The following PTPRN2 variants were observed in gnomAD, a reference collection of about 807,000 sequenced individuals.
PTPRN2 encodes the protein receptor-type tyrosine-protein phosphatase N2.
Under a neutral mutation model 118.8 loss-of-function variants are expected in PTPRN2, and 74 were observed. That is an observed-to-expected ratio of 0.62 (90% confidence interval 0.52 to 0.76). The LOEUF is 0.76. Among genes scored for constraint, PTPRN2 ranks in the 30% least tolerant of loss-of-function variants. The probability of loss-of-function intolerance (pLI) is 0.00; values close to 1 mark genes in which losing one functional copy is unlikely to be tolerated. For synonymous variants in PTPRN2, 641 were observed against 608.0 expected (o/e 1.05, Z -0.80); for missense variants, 1,481 against 1,394.4 (o/e 1.06, Z -0.99).
At chr7:158,460,641 G>C (rs1818917449) in intron 2 of PTPRN2, among the ~76,000 whole-genome samples, 1 of 152,220 alleles carries the variant, frequency 6.6e-6, no homozygotes, top group Non-Finnish European at 1.5e-5. Flanking sequence ...TCATCCAGCT[G>C]TCCGGAAATG....
At chr7:157,546,880 G>A (rs894936016) in intron 22 of PTPRN2, among the ~76,000 whole-genome samples, 1 of 152,242 alleles carries the variant, frequency 6.6e-6, no homozygotes, top group African/African-American at 2.4e-5. Context: ...GGCTTGTTCT[G>A]GCGAACAGGA....
At chr7:158,173,358 G>A (rs1467251254) in intron 5 of PTPRN2, among the ~76,000 whole-genome samples, 1 of 152,170 alleles carries the variant, frequency 6.6e-6, no homozygotes, top group Non-Finnish European at 1.5e-5. Flanking sequence ...GGCCTTCAGG[G>A]GTAACATCAC....
intron 3 of PTPRN2, among the ~76,000 whole-genome samples, chr7:158,305,689 T>G (rs1274077317): frequency 6.6e-6 from 1 of 151,054 alleles, no homozygotes; most frequent in Non-Finnish European, 1.5e-5. Context: ...AAACATTCCC[T>G]CCTTCATAAA....
chr7:158,521,346 A>C (rs540153747), intron 1 of PTPRN2, among the ~76,000 whole-genome samples: 3 of 152,234 alleles, frequency 2.0e-5, no homozygotes, highest in African/African-American at 7.2e-5. Flanking sequence ...TTGCTGAGTT[A>C]GAGACAGTAC....
intron 1 of PTPRN2, among the ~76,000 whole-genome samples, chr7:158,561,042 G>A (rs980606421): frequency 6.6e-6 from 1 of 152,198 alleles, no homozygotes; most frequent in Admixed American, 6.5e-5. Flanking sequence ...TGGCAAGAAG[G>A]GCAGGGCCTG....
intron 11 of PTPRN2, among the ~76,000 whole-genome samples, chr7:157,945,616 C>T (rs1475488151): frequency 4.6e-5 from 7 of 151,976 alleles, no homozygotes; most frequent in Admixed American, 6.6e-5. Context: ...CAGACAATGG[C>T]GCCTCCAGCT....
intron 3 of PTPRN2, among the ~76,000 whole-genome samples, chr7:158,227,927 C>T (rs1828914676): frequency 6.6e-6 from 1 of 151,192 alleles, no homozygotes; most frequent in African/African-American, 2.4e-5. Context: ...GCACAGACTC[C>T]TTGACATGGT....
At chr7:158,333,489 G>A (rs1804919009) in intron 2 of PTPRN2, among the ~76,000 whole-genome samples, 1 of 146,654 alleles carries the variant, frequency 6.8e-6, no homozygotes, top group South Asian at 2.1e-4. Context: ...GGTGACACCT[G>A]GAGACGTCAC....
At chr7:157,649,679 C>CGGACCCATCCAGCGTGCACTGAACTT (rs1563301976) in intron 14 of PTPRN2, among the ~76,000 whole-genome samples, 13 of 130,372 alleles carry the variant, frequency 1.0e-4, no homozygotes, top group African/African-American at 3.3e-4. Flanking sequence ...GCACTGAACT[C>CGGACCCATCCAGCGTGCACTGAACTT]GGTGGGTCGG....
intron 11 of PTPRN2, among the ~76,000 whole-genome samples, chr7:158,074,701 T>G (rs1812212150): frequency 6.6e-6 from 1 of 151,860 alleles, no homozygotes; most frequent in African/African-American, 2.4e-5. Flanking sequence ...AACGTGAAAG[T>G]GAGGATGAAA....
intron 11 of PTPRN2, among the ~76,000 whole-genome samples, chr7:158,053,097 G>C (rs1460066859): frequency 6.6e-6 from 1 of 152,170 alleles, no homozygotes; most frequent in Non-Finnish European, 1.5e-5. Context: ...TCCTGGGAGG[G>C]GATTTTTTTT....
rs1800485639 is a variant in PTPRN2 at position 157,583,144 on chromosome 7, A to G, written c.2497-5004T>C. On this transcript the variant is annotated intron_variant, in intron 17 of 22. Coordinates refer to ENST00000389418, the MANE Select transcript of PTPRN2 (RefSeq NM_002847.5). This position sits in a 1 kb window ranked among gnomAD's most constrained non-coding sequence, Gnocchi z 5.5. The stretch of plus-strand genomic sequence containing the variant: ...CAATGAAATATTATTCAGCCTTAAG[A>G]AAGAATGAACTCCTGTCATTTTTGA... Among the ~76,000 whole-genome samples, 1 of 152,182 alleles carries G rather than the reference A, an allele frequency of 6.6e-6. No homozygotes were observed. The highest frequency in any genetic ancestry group is 6.5e-5 in the Admixed American group (1 of 15,284).
At chr7:158,401,667 A>G (rs534540647) in intron 2 of PTPRN2, among the ~76,000 whole-genome samples, 14 of 152,272 alleles carry the variant, frequency 9.2e-5, no homozygotes, top group Non-Finnish European at 1.9e-4. Context: ...TTAGGAAGAA[A>G]TGTCTTTAGT....
At chr7:158,221,225 C>G (rs982194971) in intron 3 of PTPRN2, among the ~76,000 whole-genome samples, 3 of 151,808 alleles carry the variant, frequency 2.0e-5, no homozygotes, top group African/African-American at 7.3e-5. Flanking sequence ...TTTAAGATGG[C>G]TTAAAGATTT....
chr7:157,593,137 G>T (rs1467909366), intron 17 of PTPRN2, among the ~76,000 whole-genome samples: 1 of 149,700 alleles, frequency 6.7e-6, no homozygotes, highest in African/African-American at 2.5e-5. Flanking sequence ...TGAACTGAGA[G>T]TGGATGTGGG....
At chr7:158,325,061 CCA>C (rs1022258536) in intron 2 of PTPRN2, among the ~76,000 whole-genome samples, 2 of 152,234 alleles carry the variant, frequency 1.3e-5, no homozygotes, top group African/African-American at 4.8e-5. Context: ...CCACAATTAT[CCA>C]CAGAGATCCA....
At chr7:158,514,994 T>C (rs1324553801) in intron 1 of PTPRN2, among the ~76,000 whole-genome samples, 1 of 152,146 alleles carries the variant, frequency 6.6e-6, no homozygotes, top group African/African-American at 2.4e-5. Context: ...ACCACTCTTA[T>C]TTTATCTCCA....
chr7:158,440,738 CAG>C (rs1398972653), intron 2 of PTPRN2, among the ~76,000 whole-genome samples: 5 of 122,952 alleles, frequency 4.1e-5, no homozygotes, highest in Admixed American at 1.6e-4. Context: ...GTGATGATGA[CAG>C]TGGTGGTGAC....
At chr7:157,562,540 T>C (rs531484860) in intron 21 of PTPRN2, among the ~76,000 whole-genome samples, 3 of 152,348 alleles carry the variant, frequency 2.0e-5, no homozygotes, top group Non-Finnish European at 4.4e-5. Context: ...GTGGCTACTG[T>C]ATGGAACAAG....
Sources: allele counts gnomAD v4.1 joint callset (sites outside exome capture counted in the v4.1 genomes callset), GRCh38; gene constraint gnomAD v4.1.1; non-coding constraint Gnocchi (gnomAD v3.1); transcripts MANE v1.5; gene names NCBI Gene and HGNC (gene_info 2026-07-23, HGNC 2026-07-21).